The following MANSC4 variants were observed in gnomAD, a reference collection of about 807,000 sequenced individuals.
The protein encoded by MANSC4 is MANSC domain containing 4, also known as MANSC domain-containing protein 4.
In MANSC4, 11 loss-of-function variants were observed where a neutral mutation model predicts 11.4. The observed-to-expected ratio is 0.97, with a 90% CI of 0.61 to 1.60. The LOEUF (loss-of-function observed/expected upper bound fraction) is 1.60, where lower values mean the gene tolerates loss of function less well. Among genes scored for constraint, MANSC4 ranks in the 40% most tolerant of loss-of-function variants. MANSC4 has a pLI of 0.00. For synonymous variants in MANSC4, 123 were observed against 147.1 expected (o/e 0.84, Z 1.19); for missense variants, 354 against 404.6 (o/e 0.88, Z 1.07).
At chr12:27,769,832 G>A (rs1035572962) in intron 2 of MANSC4, among the ~76,000 whole-genome samples, 1 of 152,154 alleles carries the variant, frequency 6.6e-6, no homozygotes, top group African/African-American at 2.4e-5. Context: ...ATTTTAAAGT[G>A]CTGTGTTGCT....
At chr12:27,767,446 G>A (rs776534563) in intron 2 of MANSC4, among the ~76,000 whole-genome samples, 13 of 152,038 alleles carry the variant, frequency 8.6e-5, no homozygotes, top group East Asian at 3.8e-4. Context: ...GCTCATTCCC[G>A]TAACCCCACC....
intron 1 of MANSC4, among the ~76,000 whole-genome samples, chr12:27,772,378 T>C (rs12369101): frequency 0.16 from 24,976 of 152,242 alleles, 2,552 homozygotes; most frequent in Non-Finnish European, 0.23. Flanking sequence ...TTTTATACCT[T>C]TTTATACAAT....
At chr12:27,770,520 A>C (rs2062096268) in intron 2 of MANSC4, among the ~76,000 whole-genome samples, 1 of 149,888 alleles carries the variant, frequency 6.7e-6, no homozygotes, top group Non-Finnish European at 1.5e-5. Context: ...CTAATATCAC[A>C]AAATGTACTT....
At chr12:27,772,689 G>GACA (rs1482154750) in intron 1 of MANSC4, among the ~76,000 whole-genome samples, 3 of 152,170 alleles carry the variant, frequency 2.0e-5, no homozygotes, top group Non-Finnish European at 4.4e-5. Context: ...GCAAATTTCA[G>GACA]TTGCTCACCT....
At chr12:27,779,359 T>C (rs557501836) in intron 1 of MANSC4, among the ~76,000 whole-genome samples, 1 of 152,328 alleles carries the variant, frequency 6.6e-6, no homozygotes, top group East Asian at 1.9e-4. Flanking sequence ...AAACATGGTT[T>C]AAAACCAGAA....
chr12:27,770,153 A>C (rs1161890728), intron 2 of MANSC4, among the ~76,000 whole-genome samples: 1 of 152,002 alleles, frequency 6.6e-6, no homozygotes, highest in Non-Finnish European at 1.5e-5. Context: ...CCAAGTCAGC[A>C]CATTTTAGTT....
At chr12:27,770,648 G>A (rs892514970) in intron 2 of MANSC4, among the ~76,000 whole-genome samples, 7 of 152,038 alleles carry the variant, frequency 4.6e-5, no homozygotes, top group South Asian at 2.1e-4. Context: ...AGACCAGCCC[G>A]GGCAACATAG....
Position 27,771,223 on chromosome 12 carries a change from C to T in MANSC4, c.54G>A (p.Trp18Ter), listed in dbSNP as rs1014738156. The change falls in exon 2 of 4, where the codon TGG becomes TGA. Residue 18 changes from tryptophan to a stop codon, truncating the protein, a stop_gained. Coordinates refer to ENST00000381273, the MANE Select transcript of MANSC4 (RefSeq NM_001146221.5). LOFTEE classifies it high-confidence loss of function. ...VNVILLLSMGWTSDSLCSPTI... is the reference protein window; with the variant it reads ...VNVILLLSMG ...TGGGTGAGCAGAGAGAGTCTGATGTCCACCCCATGCTTAGGAGCAATATCA... is the reference window on the plus strand; with the variant it reads ...TGGGTGAGCAGAGAGAGTCTGATGTTCACCCCATGCTTAGGAGCAATATCA... 1 of 1,551,746 alleles carries T rather than the reference C, an allele frequency of 6.4e-7. No individual in the cohort carries two copies. The highest frequency in any genetic ancestry group is 8.7e-7 in the Non-Finnish European group (1 of 1,147,088).
At chr12:27,769,267 A>T (rs2062089250) in intron 2 of MANSC4, among the ~76,000 whole-genome samples, 1 of 152,240 alleles carries the variant, frequency 6.6e-6, no homozygotes, top group South Asian at 2.1e-4. Flanking sequence ...AAAGTAGTTG[A>T]TTCTGCAGAG....
intron 1 of MANSC4, among the ~76,000 whole-genome samples, chr12:27,776,467 T>C (rs1360772191): frequency 1.3e-5 from 2 of 151,986 alleles, no homozygotes; most frequent in African/African-American, 4.8e-5. Context: ...TGGTGGCTCA[T>C]ACCTGTAATC....
At chr12:27,775,769 GTT>G (rs71438710) in intron 1 of MANSC4, among the ~76,000 whole-genome samples, 2 of 144,162 alleles carry the variant, frequency 1.4e-5, no homozygotes, top group Admixed American at 6.9e-5. Context: ...TCCAAAATCT[GTT>G]TTTTTTTTTT....
intron 2 of MANSC4, among the ~76,000 whole-genome samples, chr12:27,770,330 G>A (rs1434893660): frequency 2.0e-5 from 3 of 152,074 alleles, no homozygotes; most frequent in East Asian, 3.9e-4. Flanking sequence ...ACAGGCGCCT[G>A]CCACCACCCC....
chr12:27,772,091 G>T (rs1301665142), intron 1 of MANSC4, among the ~76,000 whole-genome samples: 1 of 151,994 alleles, frequency 6.6e-6, no homozygotes, highest in African/African-American at 2.4e-5. Flanking sequence ...CTAGGAAAAT[G>T]GTGAAATCTT....
At chr12:27,771,861 GTTTGGGTTTTCA>G (rs2140803052) in intron 1 of MANSC4, among the ~76,000 whole-genome samples, 1 of 152,014 alleles carries the variant, frequency 6.6e-6, no homozygotes, top group Non-Finnish European at 1.5e-5. Flanking sequence ...TTTTGCACTG[GTTTGGGTTTTCA>G]TTCTTACTTA....
intron 1 of MANSC4, among the ~76,000 whole-genome samples, chr12:27,778,565 T>C (rs71452067): frequency 7.0e-6 from 1 of 142,938 alleles, no homozygotes; most frequent in East Asian, 2.0e-4. Context: ...CTTGTAATAA[T>C]AAAAAAAAAA....
At chr12:27,767,929 C>T (rs553841066) in intron 2 of MANSC4, among the ~76,000 whole-genome samples, 15 of 152,208 alleles carry the variant, frequency 9.9e-5, no homozygotes, top group Non-Finnish European at 2.1e-4. Flanking sequence ...CTTGCCTAGA[C>T]TGCAGGTGTG....
intron 3 of MANSC4, among the ~76,000 whole-genome samples, chr12:27,765,019 A>G (rs937149192): frequency 2.0e-5 from 3 of 151,416 alleles, no homozygotes; most frequent in African/African-American, 7.3e-5. Context: ...TTTTTTTTGT[A>G]GAGATGGGGG....
At position 27,762,604 on chromosome 12, in the gene MANSC4, G is replaced by T; in HGVS notation, c.*134C>A. 3.6e-6 allele frequency: 3 copies of T among 823,128 alleles called. No individual in the cohort carries two copies. The highest frequency in any genetic ancestry group is 5.4e-6 in the Non-Finnish European group (3 of 553,248). The allele number at this position is 823,128 out of a possible 1,614,324, so 51.0% of individuals were successfully genotyped here. A position where few individuals can be genotyped will look rare whatever the true frequency, so the allele number is the denominator to read the frequency against. On this transcript the variant is annotated 3_prime_UTR_variant, in exon 4 of 4. Coordinates refer to ENST00000381273, the MANE Select transcript of MANSC4 (RefSeq NM_001146221.5). ...GGGCTCAAGCAAATCTACTGCCTTGGCTTCCCAAAGTTTTGGGATTACAGG... is the reference window on the plus strand; with the variant it reads ...GGGCTCAAGCAAATCTACTGCCTTGTCTTCCCAAAGTTTTGGGATTACAGG...
At position 27,766,808 on chromosome 12, in the gene MANSC4, GA is replaced by G. The variant is rs1174667144; in HGVS notation, c.230-10del. ...AGCCAGGTTACAGGAAACTGAAAGG[GA>G]AACAAGCGAAGTACATCTGCAGATG... On this transcript the variant is annotated splice_polypyrimidine_tract_variant and intron_variant, in intron 2 of 3. Coordinates refer to ENST00000381273, the MANE Select transcript of MANSC4 (RefSeq NM_001146221.5). 6.5e-7 allele frequency: 1 copy of G among 1,550,106 alleles called. No individual in the cohort carries two copies. The highest frequency in any genetic ancestry group is 8.7e-7 in the Non-Finnish European group (1 of 1,146,556).
Sources: allele counts gnomAD v4.1 joint callset (sites outside exome capture counted in the v4.1 genomes callset), GRCh38; gene constraint gnomAD v4.1.1; transcripts MANE v1.5; gene names NCBI Gene and HGNC (gene_info 2026-07-23, HGNC 2026-07-21).